ANO3: variants seen among roughly 807,000 people sequenced by gnomAD.
The protein encoded by ANO3 is anoctamin-3.
Under a neutral mutation model 144.8 loss-of-function variants are expected in ANO3, and 99 were observed. That is an observed-to-expected ratio of 0.68 (90% confidence interval 0.58 to 0.81). The LOEUF (loss-of-function observed/expected upper bound fraction) is 0.81, where lower values mean the gene tolerates loss of function less well. Ranked by LOEUF, ANO3 falls within the 30% of genes least tolerant of loss-of-function variation. The pLI is 0.00. For synonymous variants in ANO3, 414 were observed against 392.6 expected (o/e 1.05, Z -0.64); for missense variants, 905 against 1,202.2 (o/e 0.75, Z 3.66).
intron 1 of ANO3, among the ~76,000 whole-genome samples, chr11:26,320,938 C>T (rs1854744851): frequency 6.6e-6 from 1 of 152,078 alleles, no homozygotes; most frequent in Admixed American, 6.6e-5. Flanking sequence ...TGAGTAGTGG[C>T]TGATATGCTT....
At chr11:26,319,214 G>A (rs1047087821) in intron 1 of ANO3, among the ~76,000 whole-genome samples, 2 of 151,834 alleles carry the variant, frequency 1.3e-5, no homozygotes, top group African/African-American at 4.8e-5. Context: ...GCCAGGGATA[G>A]TCTGGAACTT....
At chr11:26,522,939 C>T (rs933703658) in intron 6 of ANO3, among the ~76,000 whole-genome samples, 22 of 152,042 alleles carry the variant, frequency 1.4e-4, no homozygotes, top group African/African-American at 5.3e-4. Context: ...ATAAGTAGCC[C>T]TATGTTAGTC....
intron 6 of ANO3, among the ~76,000 whole-genome samples, chr11:26,521,261 T>C (rs950579695): frequency 1.1e-4 from 16 of 152,170 alleles, no homozygotes; most frequent in East Asian, 1.9e-4. Context: ...ATAGGAAACA[T>C]ATGTATCTCT....
intron 10 of ANO3, among the ~76,000 whole-genome samples, chr11:26,541,297 G>A (rs533069343): frequency 3.3e-5 from 5 of 152,194 alleles, no homozygotes; most frequent in South Asian, 2.1e-4. Flanking sequence ...GCCAGTTCGC[G>A]GGTGGGGAGG....
rs1303442791 is a variant in ANO3 at position 26,268,164 on chromosome 11, T to G, written c.155-41481T>G. 2.0e-5 allele frequency among the ~76,000 whole-genome samples: 3 copies of G among 152,170 alleles called. No homozygotes were observed. The East Asian group carries it at 5.8e-4, about 29-fold the overall frequency. On this transcript the variant is annotated intron_variant, in intron 1 of 27. Coordinates refer to the ANO3 transcript ENST00000672621. The stretch of plus-strand genomic sequence containing the variant: ...TATAAATGCATGAATAAATAAATAG[T>G]TGGTCATTTCAATATTTGTTTCAAG...
intron 1 of ANO3, among the ~76,000 whole-genome samples, chr11:26,218,566 A>G (rs1852079805): frequency 6.6e-6 from 1 of 151,990 alleles, no homozygotes; most frequent in African/African-American, 2.4e-5. Context: ...CCTCATACCA[A>G]TGTTTATCTT....
chr11:26,282,058 T>G (rs7945497), intron 1 of ANO3, among the ~76,000 whole-genome samples: 1 of 152,064 alleles, frequency 6.6e-6, no homozygotes, highest in Non-Finnish European at 1.5e-5. Context: ...TGAAGCAGTG[T>G]TTGGGGTTAC....
intron 4 of ANO3, chr11:26,474,153 A>G: frequency 1.1e-6 from 1 of 951,124 alleles, no homozygotes; most frequent in Non-Finnish European, 1.3e-6. Flanking sequence ...GCATCAATCT[A>G]GGAATTCTAT....
At chr11:26,604,011 A>G (rs1007987454) in intron 17 of ANO3, among the ~76,000 whole-genome samples, 3 of 152,118 alleles carry the variant, frequency 2.0e-5, no homozygotes, top group Non-Finnish European at 2.9e-5. Context: ...AGTGTTACAC[A>G]ATGTCACCCT....
intron 1 of ANO3, among the ~76,000 whole-genome samples, chr11:26,335,992 G>T (rs2133893505): frequency 6.6e-6 from 1 of 152,276 alleles, no homozygotes; most frequent in East Asian, 1.9e-4. Context: ...TGGTGGGGAG[G>T]GGGAGGCAGT....
chr11:26,569,407 AC>A (rs1439133719), intron 14 of ANO3, among the ~76,000 whole-genome samples: 1 of 152,076 alleles, frequency 6.6e-6, no homozygotes, highest in African/African-American at 2.4e-5. Flanking sequence ...GATTGTCCTG[AC>A]ATTGCAGTAG....
chr11:26,352,053 A>G (rs1855660160), intron 1 of ANO3, among the ~76,000 whole-genome samples: 1 of 152,200 alleles, frequency 6.6e-6, no homozygotes, highest in Non-Finnish European at 1.5e-5. Flanking sequence ...GCTTACCTCG[A>G]TGCAGTAGGA....
chr11:26,215,202 TAG>T (rs1475448013), intron 1 of ANO3, among the ~76,000 whole-genome samples: 2 of 152,024 alleles, frequency 1.3e-5, no homozygotes, highest in Non-Finnish European at 2.9e-5. Context: ...ATTTAAGGAA[TAG>T]AGAGTTATGC....
chr11:26,411,262 A>G (rs539462163), intron 1 of ANO3, among the ~76,000 whole-genome samples: 10 of 152,026 alleles, frequency 6.6e-5, no homozygotes, highest in Non-Finnish European at 1.0e-4. Context: ...TTTAGGGTCT[A>G]ATGGAGAAGA....
intron 23 of ANO3, among the ~76,000 whole-genome samples, chr11:26,645,961 G>C (rs1853330496): frequency 1.3e-5 from 2 of 152,094 alleles, no homozygotes; most frequent in African/African-American, 4.8e-5. Flanking sequence ...CCTTCCCATA[G>C]ATAGGTAAGT....
rs148526395 is a variant in ANO3 at position 26,598,411 on chromosome 11, C to A, written c.1494C>A (p.Thr498=). ...GGAAAAGGAGAAGGAGTATACTGAC[C>A]TATACTTGGGACCTTATCGAATGGG... ...EFWKRRRSIL[T]YTWDLIEWEE... The change falls in exon 15 of 27, where the codon ACC becomes ACA. Residue 498 remains threonine (T), a synonymous_variant. Coordinates refer to ENST00000256737, the MANE Select transcript of ANO3 (RefSeq NM_031418.4). The A allele has an allele frequency of 4.4e-6, 7 of 1,592,982 alleles. No homozygotes were observed. The highest frequency in any genetic ancestry group is 1.4e-5 in the African/African-American group (1 of 73,752).
intron 1 of ANO3, among the ~76,000 whole-genome samples, chr11:26,335,246 G>C (rs189510976): frequency 1.1e-3 from 170 of 152,266 alleles, no homozygotes; most frequent in Non-Finnish European, 1.7e-3. Flanking sequence ...ATCTTGCAGA[G>C]TTATAAGGTG....
chr11:26,221,010 C>A (rs1375740518), intron 1 of ANO3, among the ~76,000 whole-genome samples: 1 of 152,198 alleles, frequency 6.6e-6, no homozygotes, highest in African/African-American at 2.4e-5. Context: ...GATCCATTGG[C>A]ATATTTTAGC....
intron 1 of ANO3, among the ~76,000 whole-genome samples, chr11:26,278,976 T>C (rs1183701950): frequency 6.6e-6 from 1 of 152,152 alleles, no homozygotes; most frequent in Non-Finnish European, 1.5e-5. Flanking sequence ...TATGCTCCAG[T>C]ACTTACAGAT....
Sources: allele counts gnomAD v4.1 joint callset (sites outside exome capture counted in the v4.1 genomes callset), GRCh38; gene constraint gnomAD v4.1.1; transcripts MANE v1.5; gene names NCBI Gene and HGNC (gene_info 2026-07-23, HGNC 2026-07-21).